The following SPAG16 variants were observed in gnomAD, a reference collection of about 807,000 sequenced individuals.
The protein encoded by SPAG16 is sperm-associated antigen 16 protein.
In SPAG16, 86 loss-of-function variants were observed where a neutral mutation model predicts 80.4. That is an observed-to-expected ratio of 1.07 (90% CI 0.90 to 1.28). SPAG16 has a LOEUF of 1.28. Ranked by LOEUF, SPAG16 falls within the 50% of genes most tolerant of loss-of-function variation. SPAG16 has a pLI of 0.00. For synonymous variants in SPAG16, 294 were observed against 265.9 expected (o/e 1.11, Z -1.03); for missense variants, 870 against 765.3 (o/e 1.14, Z -1.61).
At chr2:214,103,921 G>A (rs1261764570) in intron 13 of SPAG16, among the ~76,000 whole-genome samples, 19 of 150,926 alleles carry the variant, frequency 1.3e-4, no homozygotes, top group Admixed American at 1.2e-3. Flanking sequence ...TGGGGAGTGG[G>A]GGTTGGAGGG....
At chr2:214,373,735 C>G (rs528554143) in intron 15 of SPAG16, among the ~76,000 whole-genome samples, 3 of 152,118 alleles carry the variant, frequency 2.0e-5, no homozygotes, top group Non-Finnish European at 4.4e-5. Context: ...AGAAGGTGAG[C>G]AATTTACTTT....
intron 13 of SPAG16, among the ~76,000 whole-genome samples, chr2:214,037,065 T>G (rs2048735884): frequency 6.6e-6 from 1 of 152,000 alleles, no homozygotes; most frequent in Non-Finnish European, 1.5e-5. Context: ...TTGATTTCTT[T>G]ATATATTCAT....
At chr2:213,615,419 T>A (rs2061561105) in intron 10 of SPAG16, among the ~76,000 whole-genome samples, 1 of 152,106 alleles carries the variant, frequency 6.6e-6, no homozygotes, top group Non-Finnish European at 1.5e-5. Context: ...GGTGAGACCC[T>A]GTCTCTACTA....
intron 10 of SPAG16, among the ~76,000 whole-genome samples, chr2:213,676,552 G>A (rs1248025508): frequency 6.6e-6 from 1 of 152,072 alleles, no homozygotes; most frequent in African/African-American, 2.4e-5. Flanking sequence ...TTTGAGATAT[G>A]TCCCATTAAT....
At chr2:214,351,773 AAT>A (rs1491279037) in intron 15 of SPAG16, among the ~76,000 whole-genome samples, 7 of 68,184 alleles carry the variant, frequency 1.0e-4, no homozygotes, top group Admixed American at 6.1e-4. Context: ...AAATTGTATC[AAT>A]TTTTTTTTTA....
At chr2:213,554,922 C>G (rs1228568374) in intron 10 of SPAG16, among the ~76,000 whole-genome samples, 1 of 151,748 alleles carries the variant, frequency 6.6e-6, no homozygotes. Flanking sequence ...AGGTAGAAAG[C>G]TCATCTAAAG....
intron 10 of SPAG16, among the ~76,000 whole-genome samples, chr2:213,545,587 A>G (rs1041548836): frequency 1.4e-5 from 2 of 139,712 alleles, no homozygotes; most frequent in African/African-American, 5.6e-5. Context: ...GGAGTTTTAT[A>G]GTTTTACTTT....
At chr2:214,181,817 G>C (rs186103109) in intron 15 of SPAG16, among the ~76,000 whole-genome samples, 5 of 151,520 alleles carry the variant, frequency 3.3e-5, no homozygotes, top group East Asian at 3.9e-4. Context: ...GGAAAAAGAC[G>C]ATTTGACCTA....
chr2:214,343,365 A>G (rs1697835344), intron 15 of SPAG16, among the ~76,000 whole-genome samples: 1 of 152,178 alleles, frequency 6.6e-6, no homozygotes, highest in African/African-American at 2.4e-5. Context: ...ACTTTTAATA[A>G]TAGATCTTTC....
At chr2:214,396,777 T>G (rs1701410020) in intron 15 of SPAG16, among the ~76,000 whole-genome samples, 1 of 152,126 alleles carries the variant, frequency 6.6e-6, no homozygotes, top group Admixed American at 6.5e-5. Flanking sequence ...TTAAAAATGA[T>G]TTCTTTAGAA....
intron 5 of SPAG16, among the ~76,000 whole-genome samples, chr2:213,326,417 G>A (rs2126167050): frequency 6.6e-6 from 1 of 151,980 alleles, no homozygotes; most frequent in East Asian, 1.9e-4. Flanking sequence ...ATAATAATGA[G>A]GCTTATAAAA....
intron 10 of SPAG16, among the ~76,000 whole-genome samples, chr2:213,737,484 T>C (rs2067335174): frequency 2.2e-5 from 1 of 46,376 alleles, no homozygotes; most frequent in African/African-American, 4.4e-5. Flanking sequence ...TACTTTTTCT[T>C]TTTCTTTTCT....
chr2:213,574,034 A>G (rs1191038428), intron 10 of SPAG16, among the ~76,000 whole-genome samples: 1 of 152,156 alleles, frequency 6.6e-6, no homozygotes, highest in Admixed American at 6.5e-5. Flanking sequence ...AGCTGCTAGT[A>G]CCCAGACTAT....
intron 10 of SPAG16, among the ~76,000 whole-genome samples, chr2:213,684,501 T>G (rs2064563477): frequency 6.6e-6 from 1 of 152,196 alleles, no homozygotes; most frequent in South Asian, 2.1e-4. Context: ...GTTCACATAT[T>G]AGAAAAAAAG....
Position 214,378,671 on chromosome 2 carries a change from A to T in SPAG16, c.1721-31469A>T, listed in dbSNP as rs549988315. Among the ~76,000 whole-genome samples the T allele has an allele frequency of 3.3e-4, 50 of 152,318 alleles. No individual in the cohort carries two copies. In the South Asian group the frequency reaches 3.7e-3, roughly 11 times the overall value. On this transcript the variant is annotated intron_variant, in intron 15 of 15. Coordinates refer to ENST00000331683, the MANE Select transcript of SPAG16 (RefSeq NM_024532.5). ...GTCACAGGGCCCATGCCTGAACAAA[A>T]TCAGGGTCCTATTAGGAAAAGGAGA...
At chr2:213,961,173 T>C (rs984654873) in intron 12 of SPAG16, among the ~76,000 whole-genome samples, 1 of 152,190 alleles carries the variant, frequency 6.6e-6, no homozygotes, top group African/African-American at 2.4e-5. Flanking sequence ...GTTGTTTAGG[T>C]GGGAAGAAAG....
intron 15 of SPAG16, among the ~76,000 whole-genome samples, chr2:214,328,654 T>C (rs1254140972): frequency 6.6e-6 from 1 of 152,208 alleles, no homozygotes; most frequent in Non-Finnish European, 1.5e-5. Context: ...TTAAATCTAT[T>C]ATTTTATAAA....
At chr2:214,079,910 G>C (rs1156965450) in intron 13 of SPAG16, among the ~76,000 whole-genome samples, 1 of 152,108 alleles carries the variant, frequency 6.6e-6, no homozygotes, top group East Asian at 1.9e-4. Flanking sequence ...TCTCTAAATA[G>C]AAGCCAAATA....
At chr2:214,246,043 G>C in intron 15 of SPAG16, among the ~76,000 whole-genome samples, 1 of 151,938 alleles carries the variant, frequency 6.6e-6, no homozygotes, top group African/African-American at 2.4e-5. Flanking sequence ...GTAGTCATTT[G>C]GTATGCTTGG....
Sources: allele counts gnomAD v4.1 joint callset (sites outside exome capture counted in the v4.1 genomes callset), GRCh38; gene constraint gnomAD v4.1.1; transcripts MANE v1.5; gene names NCBI Gene and HGNC (gene_info 2026-07-23, HGNC 2026-07-21).